The following POLR3H variants were observed in gnomAD, a reference collection of about 807,000 sequenced individuals.
POLR3H encodes DNA-directed RNA polymerase III subunit RPC8.
Under a neutral mutation model 25.5 loss-of-function variants are expected in POLR3H, and 17 were observed. The observed-to-expected ratio is 0.67, with a 90% CI of 0.46 to 1.00. POLR3H has a LOEUF of 1.00. Ranked by LOEUF, POLR3H falls within the 50% of genes least tolerant of loss-of-function variation. The probability of loss-of-function intolerance (pLI) is 0.00; values close to 1 mark genes in which losing one functional copy is unlikely to be tolerated. For synonymous variants in POLR3H, 129 were observed against 103.0 expected (o/e 1.25, Z -1.53); for missense variants, 274 against 265.0 (o/e 1.03, Z -0.24).
At position 41,528,853 on chromosome 22, in the gene POLR3H, G is replaced by C. The variant is rs1343173488; in HGVS notation, c.*430C>G. The C allele has an allele frequency of 5.4e-6, 3 of 551,412 alleles. No individual in the cohort carries two copies. Among genetic ancestry groups the C allele is most frequent in the African/African-American group, 3.9e-5 (2 of 51,918 alleles). The allele number at this position is 551,412 out of a possible 1,614,324, so 34.2% of individuals were successfully genotyped here. On this transcript the variant is annotated 3_prime_UTR_variant, in exon 6 of 6. Coordinates refer to ENST00000355209, the MANE Select transcript of POLR3H (RefSeq NM_001018050.4). ...AGATCTTAAGCAGCTCCATGCAACTGTATTTATTTTTGATGACAAGACTCC... is the reference window on the plus strand; with the variant it reads ...AGATCTTAAGCAGCTCCATGCAACTCTATTTATTTTTGATGACAAGACTCC...
Position 41,527,223 on chromosome 22 carries a change from A to G in POLR3H, c.*2060T>C. On this transcript the variant is annotated 3_prime_UTR_variant, in exon 6 of 6. Coordinates refer to ENST00000355209, the MANE Select transcript of POLR3H (RefSeq NM_001018050.4). ...GCCAGGTGGGTGAGGCCAGGCAGGT[A>G]GGGCCAGACAGGTGAGGACGGTGCC... is the stretch of plus-strand genomic sequence containing the variant. 2 of 1,611,530 alleles carry G rather than the reference A, an allele frequency of 1.2e-6. No homozygotes were observed. Among genetic ancestry groups the G allele is most frequent in the Non-Finnish European group, 8.5e-7 (1 of 1,178,574 alleles).
rs2146160222 is a variant in POLR3H, at chr22:41,528,799, C to T, written c.*484G>A. 5.4e-6 allele frequency: 4 copies of T among 747,616 alleles called. No individual in the cohort carries two copies. Among genetic ancestry groups the T allele is most frequent in the Admixed American group, 3.2e-5 (1 of 31,460 alleles). 46.3% of individuals were successfully genotyped at this position (747,616 alleles called of 1,614,324 possible). ...GGGGGTTCTTAAAATAACTTTTTAG[C>T]CCCCGTCTTCCTATTTTGAGTTTGG... On this transcript the variant is annotated 3_prime_UTR_variant, in exon 6 of 6. Coordinates refer to ENST00000355209, the MANE Select transcript of POLR3H (RefSeq NM_001018050.4).
At chr22:41,538,363 T>C (rs990268201) in intron 2 of POLR3H, among the ~76,000 whole-genome samples, 1 of 151,996 alleles carries the variant, frequency 6.6e-6, no homozygotes, top group African/African-American at 2.4e-5. Context: ...CCTGACCTCA[T>C]GATCTGCCCG....
intron 1 of POLR3H, chr22:41,543,703 C>T (rs2145578425): frequency 1.8e-6 from 1 of 557,868 alleles, no homozygotes; most frequent in Admixed American, 2.4e-5. Flanking sequence ...AATATTTTAT[C>T]CCCATTTTAA....
intron 2 of POLR3H, chr22:41,539,403 T>C (rs2066897174): frequency 6.6e-6 from 1 of 152,272 alleles, no homozygotes; most frequent in Admixed American, 6.5e-5. Flanking sequence ...ACCGTCTCAA[T>C]GGGCCTCTCA....
At chr22:41,533,549 C>A in intron 2 of POLR3H, 1 of 1,257,938 alleles carries the variant, frequency 7.9e-7, no homozygotes, top group Non-Finnish European at 1.0e-6. Context: ...TCGAATCTTG[C>A]CTTCCTCAGA....
chr22:41,533,687 C>G (rs1329516223), intron 2 of POLR3H: 8 of 1,304,126 alleles, frequency 6.1e-6, no homozygotes, highest in African/African-American at 3.0e-5. Flanking sequence ...GACCTCTCAC[C>G]CTGGGAAGAC....
rs766629345 is a variant in POLR3H at position 41,544,010 on chromosome 22, T to C, written c.92A>G (p.Asn31Ser). Residue 31 changes from asparagine to serine, a missense_variant, in exon 1 of 6, where the codon AAC (asparagine) becomes AGC (serine). Transcript: ENST00000355209. ...CAGTACCTTGTTGGCCAACTTCTTG[T>C]TCAGCTCCTCGGCAATGGAGTCGTT... ...KLNDSIAEEL[N>S]KKLANKVVYN... 3 of 1,613,506 alleles carry C rather than the reference T, an allele frequency of 1.9e-6. No individual in the cohort carries two copies. In the East Asian group the frequency reaches 6.7e-5, roughly 36 times the overall value.
chr22:41,529,896 C>T (rs1406525194), intron 5 of POLR3H, among the ~76,000 whole-genome samples: 2 of 152,024 alleles, frequency 1.3e-5, no homozygotes, highest in Non-Finnish European at 2.9e-5. Context: ...GCTGGGACTA[C>T]AGGCGCCCGC....
At chr22:41,534,958 G>C (rs1406019147) in intron 2 of POLR3H, among the ~76,000 whole-genome samples, 1 of 151,506 alleles carries the variant, frequency 6.6e-6, no homozygotes, top group Non-Finnish European at 1.5e-5. Flanking sequence ...TGAGGGTGTT[G>C]TTCCTGGTGG....
At chr22:41,538,354 C>T (rs957657158) in intron 2 of POLR3H, among the ~76,000 whole-genome samples, 1 of 152,014 alleles carries the variant, frequency 6.6e-6, no homozygotes, top group African/African-American at 2.4e-5. Context: ...AGGAGATCTC[C>T]TGACCTCATG....
rs767363401 is a variant in POLR3H, at chr22:41,540,772, G to A, written c.135C>T (p.Cys45=). The change falls in exon 2 of 6, where the codon TGC becomes TGT. Residue 45 remains cysteine, a synonymous_variant. Coordinates refer to ENST00000355209, the MANE Select transcript of POLR3H (RefSeq NM_001018050.4). ...GTTTGGTGATATCAAACAGACAAAT[G>A]CAGAGTCCCACGTTGTACACGACCT... ...ANKVVYNVGL[C]ICLFDITKLE... The A allele has an allele frequency of 1.2e-6, 2 of 1,614,008 alleles. No individual in the cohort carries two copies. Among genetic ancestry groups the A allele is most frequent in the Middle Eastern group, 1.6e-4 (1 of 6,062 alleles).
rs1204314086 is a variant in POLR3H, at chr22:41,528,326, T to G, written c.*957A>C. 1 of 1,152,472 alleles carries G rather than the reference T, an allele frequency of 8.7e-7. No individual in the cohort carries two copies. Among genetic ancestry groups the G allele is most frequent in the South Asian group, 1.6e-5 (1 of 63,406 alleles). The allele number at this position is 1,152,472 out of a possible 1,614,324, so 71.4% of individuals were successfully genotyped here. On this transcript the variant is annotated 3_prime_UTR_variant, in exon 6 of 6. Transcript: ENST00000355209. ...ATCCCCTGTAGGTGCCACCTGGGTC[T>G]GACCTGGGCCATCAGGCACAGACTG...
In POLR3H at chr22:41,544,460, C is replaced by T. The variant is rs2066992298; in HGVS notation, c.-359G>A. 5.6e-6 allele frequency: 1 copy of T among 177,912 alleles called. No individual in the cohort carries two copies. The highest frequency in any genetic ancestry group is 2.4e-5 in the African/African-American group (1 of 42,082). 11.0% of individuals were successfully genotyped at this position (177,912 alleles called of 1,614,324 possible). ...CACGCACCGCGCACAGCCGCTCGCG[C>T]TTGCGCGACTGCGGGCGAGATTCCG... On this transcript the variant is annotated 5_prime_UTR_variant, in exon 1 of 6. Transcript: ENST00000355209.
In POLR3H at chr22:41,533,673, G is replaced by A. The variant is rs781211300; in HGVS notation, c.209-928C>T. 12 of 1,303,972 alleles carry A rather than the reference G, an allele frequency of 9.2e-6. 1 individual carries two copies. Among genetic ancestry groups the A allele is most frequent in the Admixed American group, 4.6e-5 (2 of 43,548 alleles). 80.8% of individuals were successfully genotyped at this position (1,303,972 alleles called of 1,614,324 possible). The stretch of plus-strand genomic sequence containing the variant: ...CAGCAGGGCATGAGGAGAGGCAGCC[G>A]ATGGACCTCTCACCCTGGGAAGACA... On this transcript the variant is annotated intron_variant, in intron 2 of 5. Coordinates refer to ENST00000355209, the MANE Select transcript of POLR3H (RefSeq NM_001018050.4).
chr22:41,535,565 G>A (rs1325798608), intron 2 of POLR3H, among the ~76,000 whole-genome samples: 4 of 152,372 alleles, frequency 2.6e-5, no homozygotes, highest in East Asian at 3.9e-4. Context: ...AGTGGCTCAC[G>A]CCTGTAATCC....
intron 5 of POLR3H, chr22:41,529,711 T>G (rs1464572425): frequency 5.5e-6 from 3 of 549,362 alleles, no homozygotes; most frequent in Non-Finnish European, 1.1e-5. Context: ...CCCTCCCTTT[T>G]ATTTCACTGC....
chr22:41,532,334 G>A (rs1043005458), intron 3 of POLR3H, among the ~76,000 whole-genome samples, 177 bp from the exon 4 acceptor site: 9 of 152,184 alleles, frequency 5.9e-5, no homozygotes, highest in Non-Finnish European at 1.3e-4. Flanking sequence ...CCCACATAGC[G>A]GAGCAGCCCT....
rs1010388403 is a variant in POLR3H at position 41,528,130 on chromosome 22, G to A, written c.*1153C>T. ...TCTCCCAGGAGGCTTCATTCCAGCT[G>A]GAAAGGCCCCCAGTTCTCCAGGTGG... On this transcript the variant is annotated 3_prime_UTR_variant, in exon 6 of 6. Coordinates refer to ENST00000355209, the MANE Select transcript of POLR3H (RefSeq NM_001018050.4). 4.6e-6 allele frequency: 7 copies of A among 1,510,696 alleles called. No homozygotes were observed. In the African/African-American group the frequency reaches 8.3e-5, roughly 18 times the overall value. The allele number at this position is 1,510,696 out of a possible 1,614,324, so 93.6% of individuals were successfully genotyped here. A position where few individuals can be genotyped will look rare whatever the true frequency, so the allele number is the denominator to read the frequency against.
Sources: gnomAD v4.1 joint callset for allele counts (sites outside exome capture counted in the v4.1 genomes callset) on GRCh38, gnomAD v4.1.1 for gene constraint, MANE v1.5 for transcripts, NCBI Gene and HGNC (gene_info 2026-07-23, HGNC 2026-07-21) for gene names.